Variants in RGS17 observed in about 807,000 individuals in gnomAD.
The protein encoded by RGS17 is regulator of G protein signaling 17, also known as regulator of G-protein signaling 17.
RGS17 carries 12 observed loss-of-function variants against 25.5 expected under a neutral mutation model. The observed-to-expected ratio is 0.47, with a 90% CI of 0.30 to 0.76. RGS17 has a LOEUF of 0.76. RGS17 is among the 30% of genes least tolerant of loss of function. The probability of loss-of-function intolerance (pLI) is 0.07; values close to 1 mark genes in which losing one functional copy is unlikely to be tolerated. For missense variants in RGS17, 196 were observed against 242.2 expected (o/e 0.81, Z 1.27); for synonymous variants, 71 against 76.9 (o/e 0.92, Z 0.40).
In RGS17 at chr6:153,053,976, TGTATATATGTATATAA is replaced by T. The variant is rs1159617732; in HGVS notation, c.-25-9949_-25-9934del. On this transcript the variant is annotated intron_variant, in intron 1 of 4. Coordinates refer to ENST00000206262, the MANE Select transcript of RGS17 (RefSeq NM_012419.5). ...TACATATATATTATATACATATATATGTATATATGTATATAATATATATACATATATACGTATATAT... is the reference window on the plus strand; with the variant it reads ...TACATATATATTATATACATATATATTATATATACATATATACGTATATAT... 6.4e-4 allele frequency among the ~76,000 whole-genome samples: 20 copies of T among 31,094 alleles called. 2 individuals are homozygous for T. Among genetic ancestry groups the T allele is most frequent in the African/African-American group, 2.5e-3 (20 of 7,954 alleles). 20.4% of individuals were successfully genotyped at this position (31,094 alleles called of 152,430 possible). A position where few individuals can be genotyped will look rare whatever the true frequency, so the allele number is the denominator to read the frequency against.
At chr6:153,123,983 ATGGTGGAGGTTGT>A (rs891565321) in intron 1 of RGS17, among the ~76,000 whole-genome samples, 7 of 152,208 alleles carry the variant, frequency 4.6e-5, no homozygotes, top group Non-Finnish European at 8.8e-5. Context: ...TTCTGATACT[ATGGTGGAGGTTGT>A]TAAATCATCC....
chr6:153,125,055 A>C (rs891050129), intron 1 of RGS17, among the ~76,000 whole-genome samples: 21 of 152,196 alleles, frequency 1.4e-4, no homozygotes, highest in African/African-American at 4.3e-4. Context: ...AAGATTCAAG[A>C]AAATTTTTAA....
At chr6:153,079,885 ATAAT>A (rs1776947757) in intron 1 of RGS17, among the ~76,000 whole-genome samples, 1 of 152,222 alleles carries the variant, frequency 6.6e-6, no homozygotes, top group Non-Finnish European at 1.5e-5. Context: ...AATATTTGAG[ATAAT>A]TAACCAGTTA....
intron 1 of RGS17, among the ~76,000 whole-genome samples, chr6:153,110,565 G>A (rs1204753209): frequency 1.3e-5 from 2 of 152,134 alleles, no homozygotes; most frequent in Non-Finnish European, 2.9e-5. Flanking sequence ...TGCAATAATA[G>A]CACAGATAGT....
In RGS17 at chr6:153,020,240, G is replaced by A. The variant is rs1201238310; in HGVS notation, c.444+4022C>T. ...ACGATCTTGGCTCACTGCAACCTCC[G>A]CCTCCCAGGTTCAAGTGATTCTCTT... is the stretch of plus-strand genomic sequence containing the variant. On this transcript the variant is annotated intron_variant, in intron 4 of 4. Coordinates refer to ENST00000206262, the MANE Select transcript of RGS17 (RefSeq NM_012419.5). Among the ~76,000 whole-genome samples, 5 of 134,496 alleles carry A rather than the reference G, an allele frequency of 3.7e-5. No individual in the cohort carries two copies. In the East Asian group the frequency reaches 1.0e-3, roughly 27 times the overall value. 88.2% of individuals were successfully genotyped at this position (134,496 alleles called of 152,430 possible). A position where few individuals can be genotyped will look rare whatever the true frequency, so the allele number is the denominator to read the frequency against.
intron 2 of RGS17, among the ~76,000 whole-genome samples, chr6:153,037,298 T>C (rs1217361841): frequency 6.6e-6 from 1 of 152,124 alleles, no homozygotes; most frequent in Admixed American, 6.6e-5. Context: ...TTGAAAAGAA[T>C]TTCTGTGACA....
intron 4 of RGS17, among the ~76,000 whole-genome samples, chr6:153,015,632 A>C (rs1218987739): frequency 6.6e-6 from 1 of 152,024 alleles, no homozygotes; most frequent in Admixed American, 6.6e-5. Context: ...AGTATTGTTT[A>C]TACTATGACT....
intron 2 of RGS17, among the ~76,000 whole-genome samples, chr6:153,039,344 A>C (rs1031414482): frequency 6.6e-6 from 1 of 152,118 alleles, no homozygotes; most frequent in East Asian, 1.9e-4. Context: ...GCTTTTACCT[A>C]AGTCTAATTT....
rs150399596 is a variant in RGS17 at position 153,008,749 on chromosome 6, C to A, written c.*2825G>T. On this transcript the variant is annotated 3_prime_UTR_variant, in exon 5 of 5. Coordinates refer to ENST00000206262, the MANE Select transcript of RGS17 (RefSeq NM_012419.5). The stretch of plus-strand genomic sequence containing the variant: ...TTTTCCCCAGGGAGGAATTTACTCA[C>A]TAGGAAAACTCAAATTCTAAGAAAA... 1.3e-4 allele frequency: 20 copies of A among 152,234 alleles called. No homozygotes were observed. In the East Asian group the frequency reaches 3.9e-3, roughly 29 times the overall value. The allele number at this position is 152,234 out of a possible 1,614,324, so 9.4% of individuals were successfully genotyped here. A position where few individuals can be genotyped will look rare whatever the true frequency, so the allele number is the denominator to read the frequency against.
chr6:153,026,971 T>C (rs1298952686), intron 2 of RGS17, among the ~76,000 whole-genome samples: 1 of 152,328 alleles, frequency 6.6e-6, no homozygotes, highest in East Asian at 1.9e-4. Context: ...TTTTCCCCGA[T>C]TGAGAGCTAA....
chr6:153,118,072 G>C (rs1777568925), intron 1 of RGS17, among the ~76,000 whole-genome samples: 1 of 152,170 alleles, frequency 6.6e-6, no homozygotes, highest in South Asian at 2.1e-4. Context: ...CAGCTTGTTA[G>C]GCAGAGGGAG....
chr6:153,089,216 GGTATATAT>G (rs36212939), intron 1 of RGS17, among the ~76,000 whole-genome samples: 76,116 of 149,472 alleles, frequency 0.51, 19,893 homozygotes, highest in Non-Finnish European at 0.56. Flanking sequence ...AATGTGCATA[GGTATATAT>G]GTATATATGT....
intron 1 of RGS17, among the ~76,000 whole-genome samples, chr6:153,109,780 T>C (rs1404367339): frequency 6.6e-6 from 1 of 152,234 alleles, no homozygotes; most frequent in Non-Finnish European, 1.5e-5. Flanking sequence ...CCATTTAAAC[T>C]TATCATGCTA....
chr6:153,057,926 T>C (rs1776582124), intron 1 of RGS17, among the ~76,000 whole-genome samples: 1 of 152,182 alleles, frequency 6.6e-6, no homozygotes, highest in Non-Finnish European at 1.5e-5. Flanking sequence ...GTAGTAAAGC[T>C]CGCTGGCCTG....
chr6:153,103,200 G>A (rs1020641915), intron 1 of RGS17, among the ~76,000 whole-genome samples: 1 of 152,170 alleles, frequency 6.6e-6, no homozygotes, highest in Non-Finnish European at 1.5e-5. Context: ...CTGCTGGACT[G>A]TAACACAGCA....
intron 1 of RGS17, among the ~76,000 whole-genome samples, chr6:153,058,427 T>C (rs180739124): frequency 2.6e-5 from 4 of 152,352 alleles, no homozygotes; most frequent in Admixed American, 2.0e-4. Context: ...ATTTCACCAT[T>C]GACACTGTAC....
chr6:153,090,042 G>GT (rs1326812478), intron 1 of RGS17, among the ~76,000 whole-genome samples: 1 of 152,098 alleles, frequency 6.6e-6, no homozygotes, highest in Non-Finnish European at 1.5e-5. Context: ...ATTGAACAGT[G>GT]TATGAATAAT....
chr6:153,071,305 A>G lies in RGS17; in HGVS notation c.-25-27262T>C, dbSNP rs78363066. Among the ~76,000 whole-genome samples, 613 of 151,944 alleles carry G rather than the reference A, an allele frequency of 4.0e-3. 12 individuals carry two copies. The East Asian group carries it at 0.069, about 17-fold the overall frequency. On this transcript the variant is annotated intron_variant, in intron 1 of 4. Coordinates refer to ENST00000206262, the MANE Select transcript of RGS17 (RefSeq NM_012419.5). ...CTATAAACACACATACACATAAACT[A>G]TAAGGTACTAAGCATAACAATGGGC...
chr6:153,107,886 T>C (rs1777408187), intron 1 of RGS17, among the ~76,000 whole-genome samples: 1 of 152,224 alleles, frequency 6.6e-6, no homozygotes, highest in South Asian at 2.1e-4. Context: ...CTCTTGATAA[T>C]TTCTCATTTC....
Sources: allele counts gnomAD v4.1 joint callset (sites outside exome capture counted in the v4.1 genomes callset), GRCh38; gene constraint gnomAD v4.1.1; transcripts MANE v1.5; gene names NCBI Gene and HGNC (gene_info 2026-07-23, HGNC 2026-07-21).